ALK: variants seen among roughly 807,000 people sequenced by gnomAD.
ALK encodes ALK receptor tyrosine kinase.
A neutral mutation model predicts 163.1 loss-of-function variants in ALK; 74 were observed. That is an observed-to-expected ratio of 0.45 (90% CI 0.38 to 0.55). ALK has a LOEUF of 0.55. Among genes scored for constraint, ALK ranks in the 20% least tolerant of loss-of-function variants. The pLI, the probability that ALK is intolerant of heterozygous loss-of-function variation, is 0.00. For synonymous variants in ALK, 960 were observed against 843.2 expected, an observed-to-expected ratio of 1.14 and a Z score of -2.40; for missense variants, 2,063 against 2,105.3, an observed-to-expected ratio of 0.98 and a Z score of 0.39.
intron 1 of ALK, among the ~76,000 whole-genome samples, chr2:29,852,463 CA>C (rs1280786342): frequency 6.6e-6 from 1 of 152,166 alleles, no homozygotes; most frequent in Non-Finnish European, 1.5e-5. Context: ...ACTATACTTT[CA>C]AAGGTGTGGG....
intron 1 of ALK, among the ~76,000 whole-genome samples, chr2:29,789,065 A>G (rs1442739728): frequency 2.8e-5 from 1 of 36,074 alleles, no homozygotes; most frequent in Non-Finnish European, 1.1e-4. Context: ...GTCTGTATGC[A>G]CATGCCTATG....
chr2:29,814,227 C>T (rs1045289578), intron 1 of ALK, among the ~76,000 whole-genome samples: 4 of 152,150 alleles, frequency 2.6e-5, no homozygotes, highest in African/African-American at 9.7e-5. Flanking sequence ...CTGACTTGTC[C>T]GTGTTATGCT....
At chr2:29,214,116 G>A (rs761491655) in intron 23 of ALK, 35 bp from the exon 24 acceptor site, 1 of 1,560,064 alleles carries the variant, frequency 6.4e-7, no homozygotes, top group African/African-American at 1.4e-5. Flanking sequence ...CTGACGAGGA[G>A]CTTGTCAGTG....
At position 29,545,180 on chromosome 2, in the gene ALK, C is replaced by T. The variant is rs903622727; in HGVS notation, c.953-13064G>A. Among the ~76,000 whole-genome samples the T allele has an allele frequency of 7.9e-5, 12 of 152,182 alleles. 1 individual carries two copies. The highest frequency in any genetic ancestry group is 6.5e-4 in the Admixed American group (10 of 15,280). On this transcript the variant is annotated intron_variant, in intron 3 of 28. Transcript: ENST00000389048. ...ACTGTCCCCAGAGGTCACAGACTAA[C>T]GCATGGGCAGGTGGGACCCAGACAG... is the stretch of plus-strand genomic sequence containing the variant.
chr2:29,257,667 G>A (rs1187342746), intron 11 of ALK, among the ~76,000 whole-genome samples: 1 of 152,038 alleles, frequency 6.6e-6, no homozygotes, highest in Non-Finnish European at 1.5e-5. Flanking sequence ...AGCGCTCAAT[G>A]CTTCATGTGG....
intron 26 of ALK, among the ~76,000 whole-genome samples, chr2:29,200,760 T>TGTATATATAC (rs1553389060): frequency 4.0e-3 from 416 of 104,684 alleles, no homozygotes; most frequent in African/African-American, 0.01. Context: ...TACGTATATA[T>TGTATATATAC]GTATATATAT....
At chr2:29,457,167 G>A (rs1392379032) in intron 4 of ALK, among the ~76,000 whole-genome samples, 1 of 152,098 alleles carries the variant, frequency 6.6e-6, no homozygotes, top group African/African-American at 2.4e-5. Flanking sequence ...AGTGAAGGGA[G>A]TATCCTTCCT....
intron 3 of ALK, among the ~76,000 whole-genome samples, chr2:29,583,994 T>C (rs746452036): frequency 1.3e-5 from 2 of 152,206 alleles, no homozygotes; most frequent in Non-Finnish European, 2.9e-5. Flanking sequence ...ACAAAAACAA[T>C]TAGCTTCTGT....
intron 4 of ALK, among the ~76,000 whole-genome samples, chr2:29,465,792 G>A (rs1306234288): frequency 2.0e-5 from 3 of 152,088 alleles, no homozygotes; most frequent in East Asian, 1.9e-4. Flanking sequence ...AATGAAGAAC[G>A]TCAGAAATGG....
chr2:29,618,474 C>T (rs1164043662), intron 3 of ALK, among the ~76,000 whole-genome samples: 26 of 151,774 alleles, frequency 1.7e-4, no homozygotes, highest in Admixed American at 1.7e-3. Flanking sequence ...CTTTCACCTC[C>T]ATTTCAATGT....
At chr2:29,233,905 G>A (rs1664294601) in intron 13 of ALK, among the ~76,000 whole-genome samples, 1 of 152,232 alleles carries the variant, frequency 6.6e-6, no homozygotes, top group African/African-American at 2.4e-5. Flanking sequence ...AAAATGCTAG[G>A]AGAAACTGGG....
chr2:29,823,599 T>C (rs1195902091), intron 1 of ALK, among the ~76,000 whole-genome samples: 3 of 152,214 alleles, frequency 2.0e-5, no homozygotes, highest in African/African-American at 7.2e-5. Flanking sequence ...ACTCTTGTTA[T>C]GTTTTAGCAA....
At chr2:29,296,076 T>G (rs1161790661) in intron 9 of ALK, among the ~76,000 whole-genome samples, 1 of 152,174 alleles carries the variant, frequency 6.6e-6, no homozygotes, top group Non-Finnish European at 1.5e-5. Flanking sequence ...GGGAGACAAG[T>G]GGCAGTGAAC....
chr2:29,532,149 TGTGTTCA>T (rs1203503257), intron 3 of ALK, 33 bp from the exon 4 acceptor site: 1 of 1,601,168 alleles, frequency 6.2e-7, no homozygotes, highest in Non-Finnish European at 8.5e-7. Context: ...AATCTGCAGA[TGTGTTCA>T]GGTAAGACCA....
At chr2:29,762,941 G>C (rs13411298) in intron 1 of ALK, among the ~76,000 whole-genome samples, 8,104 of 152,094 alleles carry the variant, frequency 0.053, 761 homozygotes, top group African/African-American at 0.18. Context: ...ACAAAAATTA[G>C]CTGAGCGTGG....
chr2:29,561,452 G>A (rs889031371), intron 3 of ALK, among the ~76,000 whole-genome samples: 1 of 152,192 alleles, frequency 6.6e-6, no homozygotes, highest in African/African-American at 2.4e-5. Context: ...CGTGGAGGAA[G>A]CTGCTGGCCT....
At chr2:29,210,831 T>C (rs1182033548) in intron 24 of ALK, among the ~76,000 whole-genome samples, 1 of 152,220 alleles carries the variant, frequency 6.6e-6, no homozygotes, top group Non-Finnish European at 1.5e-5. Context: ...CTGTTGACTA[T>C]AGATGACCTG....
chr2:29,389,712 G>A (rs1323685056), intron 4 of ALK, among the ~76,000 whole-genome samples: 4 of 152,142 alleles, frequency 2.6e-5, no homozygotes, highest in East Asian at 1.9e-4. Flanking sequence ...TAATCCAAAC[G>A]TTCGTGTCAA....
At chr2:29,380,428 T>C (rs1397414009) in intron 5 of ALK, among the ~76,000 whole-genome samples, 1 of 151,968 alleles carries the variant, frequency 6.6e-6, no homozygotes, top group African/African-American at 2.4e-5. Flanking sequence ...TTTTTGTTTT[T>C]GTCTTTTGAG....
Sources: allele counts gnomAD v4.1 joint callset (sites outside exome capture counted in the v4.1 genomes callset), GRCh38; gene constraint gnomAD v4.1.1; transcripts MANE v1.5; gene names NCBI Gene and HGNC (gene_info 2026-07-23, HGNC 2026-07-21).